MARCHF1: variants seen among roughly 807,000 people sequenced by gnomAD.
MARCHF1 encodes the protein E3 ubiquitin-protein ligase MARCHF1.
In MARCHF1, 40 loss-of-function variants were observed where a neutral mutation model predicts 54.2. The ratio of observed to expected loss-of-function variants is 0.74; its 90% CI spans 0.57 to 0.96. The LOEUF (loss-of-function observed/expected upper bound fraction) is 0.96. Among genes scored for constraint, MARCHF1 ranks in the 40% least tolerant of loss-of-function variants. The pLI is 0.00. For missense variants in MARCHF1, 586 were observed against 656.5 expected, an observed-to-expected ratio of 0.89 and a Z score of 1.17; for synonymous variants, 236 against 236.3, an observed-to-expected ratio of 1.00 and a Z score of 0.01.
chr4:164,139,745 G>T (rs1176845374), intron 1 of MARCHF1, among the ~76,000 whole-genome samples: 2 of 152,072 alleles, frequency 1.3e-5, no homozygotes, highest in Non-Finnish European at 2.9e-5. Flanking sequence ...GAAAACCAAT[G>T]TTAAAGAACT....
chr4:164,326,636 G>C (rs1735287726), intron 1 of MARCHF1, among the ~76,000 whole-genome samples: 2 of 152,156 alleles, frequency 1.3e-5, no homozygotes, highest in African/African-American at 4.8e-5. Flanking sequence ...ATGTAGAGCA[G>C]AACTATATCT....
At chr4:163,778,049 T>A (rs957194718) in intron 4 of MARCHF1, among the ~76,000 whole-genome samples, 1 of 152,200 alleles carries the variant, frequency 6.6e-6, no homozygotes, top group African/African-American at 2.4e-5. Flanking sequence ...GTTCTTCCAA[T>A]TAACGTAGTA....
At chr4:164,114,354 T>C (rs1755897584) in intron 1 of MARCHF1, among the ~76,000 whole-genome samples, 1 of 151,896 alleles carries the variant, frequency 6.6e-6, no homozygotes, top group African/African-American at 2.4e-5. Context: ...ATTGTAACAT[T>C]AAGGTTTTTC....
At chr4:163,642,364 ACAGT>A (rs1452596320) in intron 5 of MARCHF1, among the ~76,000 whole-genome samples, 2 of 152,114 alleles carry the variant, frequency 1.3e-5, no homozygotes, top group Non-Finnish European at 2.9e-5. Flanking sequence ...CCTGATTTTA[ACAGT>A]CAGTGTTGAT....
At chr4:163,879,050 T>C (rs1750356642) in intron 3 of MARCHF1, among the ~76,000 whole-genome samples, 1 of 152,210 alleles carries the variant, frequency 6.6e-6, no homozygotes, top group African/African-American at 2.4e-5. Flanking sequence ...AATCATTAAT[T>C]AAATCATGAA....
At chr4:164,138,963 A>G (rs1756461571) in intron 1 of MARCHF1, among the ~76,000 whole-genome samples, 2 of 152,244 alleles carry the variant, frequency 1.3e-5, no homozygotes, top group South Asian at 4.1e-4. Context: ...CCAGGATTTA[A>G]ATTTTAGTTA....
intron 2 of MARCHF1, among the ~76,000 whole-genome samples, chr4:164,036,308 T>C (rs1300118034): frequency 1.3e-5 from 2 of 152,104 alleles, no homozygotes; most frequent in Non-Finnish European, 2.9e-5. Context: ...CAATGGCTTA[T>C]TGACATCTTT....
intron 1 of MARCHF1, among the ~76,000 whole-genome samples, chr4:164,309,879 T>C (rs1206318699): frequency 6.6e-6 from 1 of 152,186 alleles, no homozygotes; most frequent in African/African-American, 2.4e-5. Context: ...ATAGCAGTTA[T>C]ATTACATGTT....
chr4:164,226,208 AAC>A (rs1438488633), intron 1 of MARCHF1, among the ~76,000 whole-genome samples: 2 of 152,078 alleles, frequency 1.3e-5, no homozygotes, highest in Non-Finnish European at 2.9e-5. Flanking sequence ...CCAAATTTCA[AAC>A]AGACTAATTA....
intron 2 of MARCHF1, among the ~76,000 whole-genome samples, chr4:164,003,175 G>A (rs192858946): frequency 6.6e-5 from 10 of 151,492 alleles, no homozygotes; most frequent in Admixed American, 2.0e-4. Context: ...TTTAAATAAC[G>A]GAAATCACCA....
chr4:163,585,760 G>T lies in MARCHF1; in HGVS notation c.1180C>A (p.Pro394Thr), dbSNP rs1389988517. 6.2e-7 allele frequency: 1 copy of T among 1,604,296 alleles called. No individual in the cohort carries two copies. The highest frequency in any genetic ancestry group is 8.5e-7 in the Non-Finnish European group (1 of 1,174,190). The change falls in exon 8 of 10, where the codon CCC becomes ACC. Residue 394 changes from proline (P) to threonine (T), a missense_variant. Physicochemically the swap from Pro to Thr is conservative, Grantham distance 38. Transcript: ENST00000514618. ...TATGGATACTGTACCTTCCGGAGGG[G>T]TTTGAGCTTGGTCTCCATTATGAAG... ...YDFIMETKLK[P>T]LRKWEKLQMT...
At chr4:164,191,124 T>G (rs1220785545) in intron 1 of MARCHF1, among the ~76,000 whole-genome samples, 1 of 152,230 alleles carries the variant, frequency 6.6e-6, no homozygotes, top group African/African-American at 2.4e-5. Context: ...ATTTTCACCA[T>G]TTTCTTCAAC....
chr4:164,213,668 A>C (rs1731845209), intron 1 of MARCHF1, among the ~76,000 whole-genome samples: 1 of 152,176 alleles, frequency 6.6e-6, no homozygotes, highest in Admixed American at 6.5e-5. Flanking sequence ...AAACGAATTT[A>C]ACAAATTTAA....
Position 163,722,732 on chromosome 4 carries a change from T to C in MARCHF1, c.112-21869A>G, listed in dbSNP as rs1461643922. On this transcript the variant is annotated intron_variant, in intron 4 of 9. Transcript: ENST00000514618. ...TGCTCCTGTATTGGGTGCATATATA[T>C]TTAAGATAGTTAGCTCTTCTTGTTG... Among the ~76,000 whole-genome samples the C allele has an allele frequency of 4.6e-5, 7 of 152,330 alleles. 1 individual carries two copies. The East Asian group carries it at 7.7e-4, about 17-fold the overall frequency.
chr4:163,637,187 C>A (rs958559815), intron 5 of MARCHF1, among the ~76,000 whole-genome samples: 5 of 152,066 alleles, frequency 3.3e-5, no homozygotes, highest in Non-Finnish European at 7.4e-5. Flanking sequence ...TAGGCATGGG[C>A]AAGGACTTCT....
intron 2 of MARCHF1, among the ~76,000 whole-genome samples, chr4:164,098,907 G>C (rs748788600): frequency 1.3e-5 from 2 of 152,192 alleles, no homozygotes. Flanking sequence ...GGCCATGTAA[G>C]TGGTCCAATT....
intron 1 of MARCHF1, among the ~76,000 whole-genome samples, chr4:164,146,322 C>T (rs1444609255): frequency 1.3e-5 from 2 of 148,912 alleles, no homozygotes; most frequent in African/African-American, 5.0e-5. Context: ...GAAAAAACTA[C>T]TTTAAAGTTC....
chr4:163,637,166 C>T lies in MARCHF1; in HGVS notation c.163-23773G>A, dbSNP rs1283427993. 5.3e-5 allele frequency among the ~76,000 whole-genome samples: 8 copies of T among 152,104 alleles called. No homozygotes were observed. The East Asian group carries it at 1.5e-3, about 29-fold the overall frequency. On this transcript the variant is annotated intron_variant, in intron 5 of 9. Transcript: ENST00000514618. ...CCCTAGAAGAAAACCTAGGCTTTAC[C>T]ATTCAGGACATAGGCATGGGCAAGG...
chr4:164,249,352 A>G (rs1024716148), intron 1 of MARCHF1, among the ~76,000 whole-genome samples: 10 of 152,078 alleles, frequency 6.6e-5, no homozygotes, highest in Non-Finnish European at 1.0e-4. Flanking sequence ...GATGTATGGG[A>G]ATGAAGAAGA....
Sources: gnomAD v4.1 joint callset for allele counts (sites outside exome capture counted in the v4.1 genomes callset) on GRCh38, gnomAD v4.1.1 for gene constraint, MANE v1.5 for transcripts, NCBI Gene and HGNC (gene_info 2026-07-23, HGNC 2026-07-21) for gene names.